Variants in RANBP2 observed in about 807,000 individuals in gnomAD.
RANBP2 encodes RAN binding protein 2.
In RANBP2, 57 loss-of-function variants were observed where a neutral mutation model predicts 303.6. The ratio of observed to expected loss-of-function variants is 0.19; its 90% confidence interval spans 0.15 to 0.23. The LOEUF is 0.23. Among genes scored for constraint, RANBP2 ranks in the 10% least tolerant of loss-of-function variants. The pLI is 1.00. For missense variants in RANBP2, 3,138 were observed against 3,780.8 expected, an observed-to-expected ratio of 0.83 and a Z score of 4.46; for synonymous variants, 1,167 against 1,301.5, an observed-to-expected ratio of 0.90 and a Z score of 2.23.
At chr2:109,370,635 C>T in the RANBP2 span, among the ~76,000 whole-genome samples, 8 of 152,106 alleles carry the variant, frequency 5.3e-5, no homozygotes, top group African/African-American at 1.9e-4. Context: ...CTCCTCCGTC[C>T]TTTTCCTCTT....
At chr2:109,275,018 C>T in the RANBP2 span, among the ~76,000 whole-genome samples, 9 of 152,184 alleles carry the variant, frequency 5.9e-5, no homozygotes, top group South Asian at 4.1e-4. Flanking sequence ...ACCATTTATA[C>T]TGTAATATTT....
At chr2:108,999,128 C>G in the RANBP2 span, among the ~76,000 whole-genome samples, 1 of 152,184 alleles carries the variant, frequency 6.6e-6, no homozygotes, top group Non-Finnish European at 1.5e-5. Flanking sequence ...ACTGGAGATG[C>G]CTGGGTGCCG....
the RANBP2 span, among the ~76,000 whole-genome samples, chr2:109,633,388 A>G: frequency 9.7e-3 from 1,447 of 149,336 alleles, 64 homozygotes; most frequent in East Asian, 0.13. Context: ...ATGAGACTCC[A>G]TCTCAAAAAA....
In RANBP2 at chr2:108,735,657, A is replaced by G; in HGVS notation, c.531A>G (p.Ser177=). 2 of 1,597,594 alleles carry G rather than the reference A, an allele frequency of 1.3e-6. No homozygotes were observed. Among genetic ancestry groups the G allele is most frequent in the Non-Finnish European group, 1.7e-6 (2 of 1,179,780 alleles). Reference sequence around the variant, plus strand: ...TCCGGCTAGTGGAGGTGTATCGCTCAACTAAAAGATTGAAGGATGCTGTGG... The same window carrying G: ...TCCGGCTAGTGGAGGTGTATCGCTCGACTAAAAGATTGAAGGATGCTGTGG... ...VNIRLVEVYR[S]TKRLKDAVAH... is the part of the protein sequence containing the mutation. Residue 177 remains serine (S), a synonymous_variant, in exon 5 of 29, where the codon TCA becomes TCG. Coordinates refer to ENST00000283195, the MANE Select transcript of RANBP2 (RefSeq NM_006267.5).
the RANBP2 span, among the ~76,000 whole-genome samples, chr2:109,437,699 G>A: frequency 2.9e-4 from 43 of 149,076 alleles, no homozygotes; most frequent in African/African-American, 8.4e-4. Context: ...TTGATCCTTC[G>A]CCTTCATGGC....
the RANBP2 span, chr2:109,129,182 A>G: frequency 2.0e-4 from 92 of 457,692 alleles, 1 homozygote; most frequent in South Asian, 1.4e-3. Flanking sequence ...CTGGTCTCCC[A>G]GGCGCGAGCC....
chr2:108,924,982 C>T, the RANBP2 span, among the ~76,000 whole-genome samples: 1 of 152,364 alleles, frequency 6.6e-6, no homozygotes, highest in African/African-American at 2.4e-5. Context: ...TAGGTGGCCA[C>T]CTGCTCCCCA....
chr2:109,307,089 A>G, the RANBP2 span, among the ~76,000 whole-genome samples: 3 of 152,216 alleles, frequency 2.0e-5, no homozygotes, highest in Non-Finnish European at 4.4e-5. Context: ...TAATCAACAG[A>G]CATTCTTTAT....
chr2:108,800,899 T>C, the RANBP2 span, among the ~76,000 whole-genome samples: 6 of 119,992 alleles, frequency 5.0e-5, no homozygotes, highest in Non-Finnish European at 1.7e-5. Flanking sequence ...GTTCTTGCGA[T>C]AGTTTACTGA....
chr2:109,025,972 AG>A, the RANBP2 span, among the ~76,000 whole-genome samples: 10 of 151,990 alleles, frequency 6.6e-5, no homozygotes, highest in African/African-American at 2.2e-4. Flanking sequence ...TGTAATTGTT[AG>A]TAGTCCCCTT....
chr2:109,716,406 C>T, the RANBP2 span, among the ~76,000 whole-genome samples: 1 of 151,978 alleles, frequency 6.6e-6, no homozygotes, highest in Admixed American at 6.6e-5. Context: ...TGCCTGCCAT[C>T]GCACCTGGCT....
At chr2:109,210,567 G>T in the RANBP2 span, among the ~76,000 whole-genome samples, 1 of 152,170 alleles carries the variant, frequency 6.6e-6, no homozygotes, top group Non-Finnish European at 1.5e-5. Context: ...AGGGCAAATG[G>T]CCTAAGCAGG....
chr2:109,057,178 A>G, the RANBP2 span, among the ~76,000 whole-genome samples: 2 of 152,194 alleles, frequency 1.3e-5, no homozygotes, highest in African/African-American at 2.4e-5. Flanking sequence ...GTCATTATGC[A>G]TAATAAGATC....
the RANBP2 span, among the ~76,000 whole-genome samples, chr2:109,054,394 A>G: frequency 6.6e-6 from 1 of 152,176 alleles, no homozygotes; most frequent in African/African-American, 2.4e-5. Flanking sequence ...ACATAAAATA[A>G]GACACACAGA....
chr2:109,751,746 A>G, the RANBP2 span, among the ~76,000 whole-genome samples: 34 of 19,188 alleles, frequency 1.8e-3, no homozygotes, highest in South Asian at 2.8e-3. Flanking sequence ...TCTGATTCTC[A>G]CAAGAATTGG....
the RANBP2 span, among the ~76,000 whole-genome samples, chr2:109,378,246 T>C: frequency 6.3e-3 from 962 of 152,292 alleles, 10 homozygotes; most frequent in East Asian, 0.048. Flanking sequence ...GGGAGCTGGC[T>C]CATATTCACA....
At chr2:109,129,571 T>A in the RANBP2 span, 1 of 1,487,116 alleles carries the variant, frequency 6.7e-7, no homozygotes, top group Non-Finnish European at 8.9e-7. Context: ...GCTGTGCGCA[T>A]CCAAGGCGGC....
the RANBP2 span, among the ~76,000 whole-genome samples, chr2:109,655,368 T>C: frequency 6.6e-6 from 1 of 152,172 alleles, no homozygotes; most frequent in Non-Finnish European, 1.5e-5. Context: ...GAAAAACTGG[T>C]CCAATCAAGT....
At chr2:109,296,470 G>C in the RANBP2 span, among the ~76,000 whole-genome samples, 2 of 151,926 alleles carry the variant, frequency 1.3e-5, no homozygotes, top group African/African-American at 4.8e-5. Flanking sequence ...TCAAACTCCT[G>C]ATCTCAAGTG....
Sources: allele counts gnomAD v4.1 joint callset (sites outside exome capture counted in the v4.1 genomes callset), GRCh38; gene constraint gnomAD v4.1.1; transcripts MANE v1.5; gene names NCBI Gene and HGNC (gene_info 2026-07-23, HGNC 2026-07-21).